The following KCNH5 variants were observed in gnomAD, a reference collection of about 807,000 sequenced individuals.
KCNH5 encodes voltage-gated delayed rectifier potassium channel KCNH5.
In KCNH5, 46 loss-of-function variants were observed where a neutral mutation model predicts 96.1. The ratio of observed to expected loss-of-function variants is 0.48; its 90% CI spans 0.38 to 0.61. KCNH5 has a LOEUF of 0.61. Among genes scored for constraint, KCNH5 ranks in the 20% least tolerant of loss-of-function variants. KCNH5 has a pLI of 0.00. For synonymous variants in KCNH5, 439 were observed against 449.8 expected, an observed-to-expected ratio of 0.98 and a Z score of 0.30; for missense variants, 907 against 1,225.8, an observed-to-expected ratio of 0.74 and a Z score of 3.88.
intron 10 of KCNH5, among the ~76,000 whole-genome samples, chr14:62,714,645 T>C (rs1300685406): frequency 1.3e-5 from 2 of 152,170 alleles, no homozygotes; most frequent in Non-Finnish European, 2.9e-5. Flanking sequence ...TTTTAAACCA[T>C]GAAGAAATTA....
At chr14:63,026,094 C>T (rs1354371966) in intron 1 of KCNH5, among the ~76,000 whole-genome samples, 2 of 151,894 alleles carry the variant, frequency 1.3e-5, no homozygotes, top group African/African-American at 2.4e-5. Flanking sequence ...AGCAAAGATA[C>T]CAAAAACATA....
At chr14:62,834,836 T>C (rs1595646185) in intron 8 of KCNH5, among the ~76,000 whole-genome samples, 1 of 152,016 alleles carries the variant, frequency 6.6e-6, no homozygotes, top group South Asian at 2.1e-4. Context: ...GACACAACAA[T>C]GTTCAATTAT....
intron 10 of KCNH5, among the ~76,000 whole-genome samples, chr14:62,715,311 A>G (rs1368890691): frequency 2.0e-5 from 3 of 152,220 alleles, no homozygotes; most frequent in Non-Finnish European, 4.4e-5. Flanking sequence ...ATCACTTTCT[A>G]GATCTGTGAA....
chr14:62,913,249 C>CA (rs1566705682), intron 7 of KCNH5, among the ~76,000 whole-genome samples: 1 of 151,374 alleles, frequency 6.6e-6, no homozygotes, highest in African/African-American at 2.4e-5. Flanking sequence ...TTTTTTGAGA[C>CA]GGAGTTTTGC....
chr14:62,939,622 A>G (rs542458205), intron 7 of KCNH5, among the ~76,000 whole-genome samples: 31 of 152,238 alleles, frequency 2.0e-4, no homozygotes, highest in African/African-American at 7.5e-4. Flanking sequence ...TCATTAATTC[A>G]CCCATAAAAA....
intron 7 of KCNH5, among the ~76,000 whole-genome samples, chr14:62,923,049 CAT>C (rs1889408673): frequency 6.6e-6 from 1 of 151,824 alleles, no homozygotes; most frequent in Non-Finnish European, 1.5e-5. Context: ...TACAGAAAAA[CAT>C]ATATCTTATA....
chr14:62,763,370 G>A (rs7147349), intron 10 of KCNH5, among the ~76,000 whole-genome samples: 10,845 of 151,818 alleles, frequency 0.071, 544 homozygotes, highest in East Asian at 0.24. Context: ...CAATATACCC[G>A]AATCTCACGC....
At chr14:62,719,010 T>C (rs1398284154) in intron 10 of KCNH5, among the ~76,000 whole-genome samples, 1 of 152,120 alleles carries the variant, frequency 6.6e-6, no homozygotes, top group Non-Finnish European at 1.5e-5. Flanking sequence ...ATGGCAAACT[T>C]AGAATCAGAG....
At chr14:63,026,977 C>T (rs1037509376) in intron 1 of KCNH5, among the ~76,000 whole-genome samples, 22 of 151,886 alleles carry the variant, frequency 1.4e-4, no homozygotes, top group South Asian at 6.2e-4. Context: ...AGATGAATAA[C>T]GAAAATGTGG....
At chr14:62,993,521 A>C (rs1338124785) in intron 4 of KCNH5, among the ~76,000 whole-genome samples, 1 of 151,986 alleles carries the variant, frequency 6.6e-6, no homozygotes, top group Non-Finnish European at 1.5e-5. Flanking sequence ...AGAATTGATC[A>C]TTTGCTCCTT....
At chr14:62,845,348 T>C (rs1887669540) in intron 8 of KCNH5, among the ~76,000 whole-genome samples, 2 of 152,214 alleles carry the variant, frequency 1.3e-5, no homozygotes, top group South Asian at 4.1e-4. Flanking sequence ...TTTCATTTTA[T>C]TTTTCCTACA....
At chr14:62,922,138 G>C (rs567650196) in intron 7 of KCNH5, among the ~76,000 whole-genome samples, 197 of 151,824 alleles carry the variant, frequency 1.3e-3, no homozygotes, top group Non-Finnish European at 2.5e-3. Flanking sequence ...TGCATATAGG[G>C]GTCTTCCTTT....
chr14:62,949,566 T>C (rs1177643738), intron 7 of KCNH5, among the ~76,000 whole-genome samples: 1 of 152,140 alleles, frequency 6.6e-6, no homozygotes, highest in Non-Finnish European at 1.5e-5. Context: ...ACCTGTTAAA[T>C]CCTAGACACT....
chr14:62,857,593 TG>T (rs1887954255), intron 7 of KCNH5, among the ~76,000 whole-genome samples: 1 of 152,190 alleles, frequency 6.6e-6, no homozygotes, highest in Non-Finnish European at 1.5e-5. Context: ...ACTTGGAGTC[TG>T]ATGTTCAATG....
At position 62,742,905 on chromosome 14, in the gene KCNH5, G is replaced by C. The variant is rs145630936; in HGVS notation, c.2020-34450C>G. 3.7e-3 allele frequency among the ~76,000 whole-genome samples: 559 copies of C among 152,272 alleles called. 2 individuals are homozygous for C. The highest frequency in any genetic ancestry group is 0.013 in the African/African-American group (547 of 41,544). Reference sequence around the variant, plus strand: ...ACTGAATCGTAGTGACCTGGTACCGGGGCTTAGGATTCACTCTGCATGATT... The same window carrying C: ...ACTGAATCGTAGTGACCTGGTACCGCGGCTTAGGATTCACTCTGCATGATT... On this transcript the variant is annotated intron_variant, in intron 10 of 10. Transcript: ENST00000322893.
intron 6 of KCNH5, among the ~76,000 whole-genome samples, chr14:62,956,939 G>C (rs1890115540): frequency 6.6e-6 from 1 of 152,054 alleles, no homozygotes; most frequent in South Asian, 2.1e-4. Context: ...GCCCTCCTCT[G>C]CACTTCAGTG....
chr14:62,853,582 C>T (rs947613323), intron 7 of KCNH5, among the ~76,000 whole-genome samples: 3 of 150,244 alleles, frequency 2.0e-5, no homozygotes, highest in African/African-American at 7.4e-5. Flanking sequence ...CTTCAGTATA[C>T]ATCTTCTTGA....
chr14:62,901,571 T>A (rs923783019), intron 7 of KCNH5, among the ~76,000 whole-genome samples: 3 of 152,242 alleles, frequency 2.0e-5, no homozygotes, highest in Non-Finnish European at 4.4e-5. Context: ...TTCTTTTTTA[T>A]GGCTGTGTAG....
intron 10 of KCNH5, among the ~76,000 whole-genome samples, chr14:62,730,654 A>T (rs900658079): frequency 9.9e-5 from 15 of 152,224 alleles, no homozygotes; most frequent in Admixed American, 7.9e-4. Context: ...TATCAAGAAC[A>T]ACAACAGGGG....
Sources: allele counts gnomAD v4.1 joint callset (sites outside exome capture counted in the v4.1 genomes callset), GRCh38; gene constraint gnomAD v4.1.1; transcripts MANE v1.5; gene names NCBI Gene and HGNC (gene_info 2026-07-23, HGNC 2026-07-21).